GUCY1A2: variants seen among roughly 807,000 people sequenced by gnomAD.
GUCY1A2 encodes guanylate cyclase 1 soluble subunit alpha 2, also known as guanylate cyclase soluble subunit alpha-2.
Under a neutral mutation model 63.5 loss-of-function variants are expected in GUCY1A2, and 27 were observed. The observed-to-expected ratio is 0.43, with a 90% CI of 0.31 to 0.59. The LOEUF is 0.59. Among genes scored for constraint, GUCY1A2 ranks in the 20% least tolerant of loss-of-function variants. The pLI is 0.11. For missense variants in GUCY1A2, 768 were observed against 913.3 expected, an observed-to-expected ratio of 0.84 and a Z score of 2.05; for synonymous variants, 364 against 343.5, an observed-to-expected ratio of 1.06 and a Z score of -0.66.
chr11:106,947,774 G>T (rs191665467), intron 3 of GUCY1A2, among the ~76,000 whole-genome samples: 34 of 152,010 alleles, frequency 2.2e-4, no homozygotes, highest in African/African-American at 7.7e-4. Flanking sequence ...TCAATAAAAA[G>T]GAGCCTGCAT....
chr11:106,761,708 A>C (rs903814632), intron 6 of GUCY1A2, among the ~76,000 whole-genome samples: 3 of 152,172 alleles, frequency 2.0e-5, no homozygotes, highest in Non-Finnish European at 4.4e-5. Context: ...ACCAAGTTTA[A>C]AAGGGAAGCT....
Position 106,961,463 on chromosome 11 carries a change from C to G in GUCY1A2, c.487+17156G>C, listed in dbSNP as rs148137422. Among the ~76,000 whole-genome samples, 498 of 152,072 alleles carry G rather than the reference C, an allele frequency of 3.3e-3. 2 individuals carry two copies. Among genetic ancestry groups the G allele is most frequent in the African/African-American group, 0.011 (459 of 41,470 alleles). On this transcript the variant is annotated intron_variant, in intron 3 of 7. Coordinates refer to ENST00000526355, the MANE Select transcript of GUCY1A2 (RefSeq NM_000855.3). ...AAGATTCCCTCAACACTATTTAATT[C>G]CTAAGGAAAACAGAAGGTTATATGA...
At chr11:107,005,725 T>G (rs1291793440) in intron 1 of GUCY1A2, among the ~76,000 whole-genome samples, 4 of 152,170 alleles carry the variant, frequency 2.6e-5, no homozygotes, top group African/African-American at 9.7e-5. Flanking sequence ...GGTAACTGAA[T>G]GAGTGAATAA....
chr11:106,955,040 A>G (rs536550425), intron 3 of GUCY1A2, among the ~76,000 whole-genome samples: 2 of 151,596 alleles, frequency 1.3e-5, no homozygotes, highest in Admixed American at 1.3e-4. Context: ...GTGCAATGGC[A>G]TGATCTCGGC....
rs117813486 is a variant in GUCY1A2, at chr11:106,876,052, T to C, written c.1206+63408A>G. 9.5e-3 allele frequency among the ~76,000 whole-genome samples: 1,452 copies of C among 152,166 alleles called. 9 individuals are homozygous for C. Among genetic ancestry groups the C allele is most frequent in the Admixed American group, 0.017 (264 of 15,244 alleles). ...AAAGCAATAAAAGCTCCAGTTAAGA[T>C]GTACTTAAAGTAAATATTCAGTCTG... On this transcript the variant is annotated intron_variant, in intron 4 of 7. Transcript: ENST00000526355.
At chr11:106,816,018 G>A (rs1052339402) in intron 4 of GUCY1A2, among the ~76,000 whole-genome samples, 1 of 151,896 alleles carries the variant, frequency 6.6e-6, no homozygotes, top group Non-Finnish European at 1.5e-5. Flanking sequence ...GTTGTTTTAA[G>A]CTACCAAGTT....
chr11:106,793,477 C>T (rs1864699108), intron 5 of GUCY1A2, among the ~76,000 whole-genome samples: 1 of 151,812 alleles, frequency 6.6e-6, no homozygotes, highest in Non-Finnish European at 1.5e-5. Context: ...ACACAGTCAA[C>T]AAAAGCAAAA....
chr11:106,904,900 G>A (rs1860183527), intron 4 of GUCY1A2, among the ~76,000 whole-genome samples: 1 of 151,976 alleles, frequency 6.6e-6, no homozygotes, highest in South Asian at 2.1e-4. Flanking sequence ...CTCTTGAAAT[G>A]ACTCCTGCTC....
At chr11:106,951,119 A>G (rs1327155881) in intron 3 of GUCY1A2, among the ~76,000 whole-genome samples, 6 of 152,012 alleles carry the variant, frequency 3.9e-5, no homozygotes, top group Non-Finnish European at 7.4e-5. Context: ...TATGTACCAC[A>G]TTTTCTTTAT....
chr11:106,755,662 T>TAA (rs1863960513), intron 6 of GUCY1A2, among the ~76,000 whole-genome samples: 1 of 152,166 alleles, frequency 6.6e-6, no homozygotes, highest in African/African-American at 2.4e-5. Flanking sequence ...CGGTTTTGAG[T>TAA]GAGTTTCTTA....
chr11:106,778,138 C>T (rs1266200999), intron 5 of GUCY1A2, among the ~76,000 whole-genome samples: 1 of 152,146 alleles, frequency 6.6e-6, no homozygotes, highest in Non-Finnish European at 1.5e-5. Context: ...GCAAAAACTG[C>T]AATTACTTTT....
intron 1 of GUCY1A2, 151 bp downstream of exon 1, chr11:107,017,602 G>A (rs930788290): frequency 2.3e-5 from 9 of 386,168 alleles, no homozygotes; most frequent in African/African-American, 1.1e-4. Context: ...CTCTGTCGCC[G>A]GAGCCACTGG....
chr11:106,712,461 A>G (rs1699963578), intron 6 of GUCY1A2, among the ~76,000 whole-genome samples: 1 of 152,170 alleles, frequency 6.6e-6, no homozygotes, highest in South Asian at 2.1e-4. Flanking sequence ...GATCTGTTTC[A>G]GCTCTGTACC....
chr11:106,822,076 G>A (rs1054642454), intron 4 of GUCY1A2, among the ~76,000 whole-genome samples: 3 of 152,102 alleles, frequency 2.0e-5, no homozygotes, highest in Admixed American at 2.0e-4. Context: ...GAGAATCCTG[G>A]CTGTTGCATA....
At chr11:106,799,785 A>G (rs1232496989) in intron 5 of GUCY1A2, among the ~76,000 whole-genome samples, 1 of 152,190 alleles carries the variant, frequency 6.6e-6, no homozygotes, top group East Asian at 1.9e-4. Context: ...AACCATAAAA[A>G]CCCTAGAAGA....
chr11:106,941,734 C>G (rs1382617614), intron 3 of GUCY1A2, among the ~76,000 whole-genome samples: 1 of 152,178 alleles, frequency 6.6e-6, no homozygotes, highest in African/African-American at 2.4e-5. Flanking sequence ...ATAGTCAAAG[C>G]ACATCTAATA....
intron 4 of GUCY1A2, chr11:106,826,792 G>A: frequency 6.2e-7 from 1 of 1,610,230 alleles, no homozygotes; most frequent in South Asian, 1.1e-5. Flanking sequence ...CTGCCAGACT[G>A]GGCTCAGCTG....
intron 4 of GUCY1A2, among the ~76,000 whole-genome samples, chr11:106,890,329 T>C (rs970054535): frequency 5.3e-5 from 8 of 152,192 alleles, no homozygotes; most frequent in African/African-American, 1.9e-4. Flanking sequence ...TCCTTTCTTA[T>C]GCTTCACAAT....
Position 106,918,586 on chromosome 11 carries a change from C to A in GUCY1A2, c.1206+20874G>T, listed in dbSNP as rs992537508. 1.4e-5 allele frequency among the ~76,000 whole-genome samples: 2 copies of A among 145,138 alleles called. 1 individual carries two copies. The highest frequency in any genetic ancestry group is 1.4e-4 in the Admixed American group (2 of 14,566). Reference sequence around the variant, plus strand: ...CACATAGACATTACACACACAGAGACATTACACATGTCACATTAATTTCAA... The same window carrying A: ...CACATAGACATTACACACACAGAGAAATTACACATGTCACATTAATTTCAA... On this transcript the variant is annotated intron_variant, in intron 4 of 7. Transcript: ENST00000526355.
Sources: gnomAD v4.1 joint callset for allele counts (sites outside exome capture counted in the v4.1 genomes callset) on GRCh38, gnomAD v4.1.1 for gene constraint, MANE v1.5 for transcripts, NCBI Gene and HGNC (gene_info 2026-07-23, HGNC 2026-07-21) for gene names.